TBC1D4: variants seen among roughly 807,000 people sequenced by gnomAD.
TBC1D4 encodes the protein TBC (Tre-2, BUB2, CDC16) domain-containing protein.
In TBC1D4, 121 loss-of-function variants were observed where a neutral mutation model predicts 142.5. That is an observed-to-expected ratio of 0.85 (90% CI 0.73 to 0.99). The LOEUF is 0.99. Ranked by LOEUF, TBC1D4 falls within the 50% of genes least tolerant of loss-of-function variation. The pLI is 0.00. For missense variants in TBC1D4, 1,475 were observed against 1,606.6 expected, an observed-to-expected ratio of 0.92 and a Z score of 1.40; for synonymous variants, 630 against 628.2, an observed-to-expected ratio of 1.00 and a Z score of -0.04.
chr13:75,409,037 A>ACATG lies in TBC1D4; in HGVS notation c.499-46431_499-46430insCATG, dbSNP rs1270209375. 9.9e-4 allele frequency among the ~76,000 whole-genome samples: 7 copies of ACATG among 7,078 alleles called. No homozygotes were observed. The Admixed American group carries it at 0.012, about 12-fold the overall frequency. 4.6% of individuals were successfully genotyped at this position (7,078 alleles called of 152,430 possible). A position where few individuals can be genotyped will look rare whatever the true frequency, so the allele number is the denominator to read the frequency against. On this transcript the variant is annotated intron_variant, in intron 1 of 20. Coordinates refer to ENST00000377636, the MANE Select transcript of TBC1D4 (RefSeq NM_014832.5). ...TGATTGTGTGCATATATATATACAC[A>ACATG]CACGCACACACACACACACACTCAC... is the stretch of plus-strand genomic sequence containing the variant.
At position 75,362,866 on chromosome 13, in the gene TBC1D4, A is replaced by G. The variant is rs545009058; in HGVS notation, c.499-259T>C. 1.3e-5 allele frequency among the ~76,000 whole-genome samples: 2 copies of G among 152,342 alleles called. No homozygotes were observed. The highest frequency in any genetic ancestry group is 2.4e-5 in the African/African-American group (1 of 41,578). Reference sequence around the variant, plus strand: ...AAATGAGTCTCCCAGAAACAAAACCATGAAACTATATAAGCCACTGCCAAC... The same window carrying G: ...AAATGAGTCTCCCAGAAACAAAACCGTGAAACTATATAAGCCACTGCCAAC... On this transcript the variant is annotated intron_variant, in intron 1 of 20. Transcript: ENST00000377636. The surrounding 1 kb of genome is among the most constrained non-coding windows in gnomAD (Gnocchi z 4.2).
Position 75,426,239 on chromosome 13 carries a change from C to T in TBC1D4, c.498+55031G>A, listed in dbSNP as rs546995881. Among the ~76,000 whole-genome samples, 3 of 152,130 alleles carry T rather than the reference C, an allele frequency of 2.0e-5. No individual in the cohort carries two copies. In the South Asian group the frequency reaches 6.2e-4, roughly 32 times the overall value. On this transcript the variant is annotated intron_variant, in intron 1 of 20. Coordinates refer to ENST00000377636, the MANE Select transcript of TBC1D4 (RefSeq NM_014832.5). ...CGCAAAGCAAAATACAATGAGATAC[C>T]ACCTCACTCCTCTTAGGAAGCCTAT...
chr13:75,450,739 C>A (rs1887499912), intron 1 of TBC1D4, among the ~76,000 whole-genome samples: 1 of 152,164 alleles, frequency 6.6e-6, no homozygotes, highest in Non-Finnish European at 1.5e-5. Context: ...CCCTTCCCAC[C>A]TCCCCAAAGG....
chr13:75,310,945 C>T (rs1355859616), intron 13 of TBC1D4, among the ~76,000 whole-genome samples: 1 of 152,126 alleles, frequency 6.6e-6, no homozygotes, highest in Non-Finnish European at 1.5e-5. Context: ...ATAATAACCT[C>T]CAGCTACATC....
intron 1 of TBC1D4, among the ~76,000 whole-genome samples, chr13:75,459,481 T>A (rs9543934): frequency 1 from 152,342 of 152,350 alleles, 76,167 homozygotes; most frequent in Non-Finnish European, 1. Flanking sequence ...ATGACATTCT[T>A]CTGGCTTGAC....
intron 1 of TBC1D4, among the ~76,000 whole-genome samples, chr13:75,437,653 T>C (rs949870839): frequency 7.2e-5 from 11 of 152,012 alleles, no homozygotes; most frequent in Non-Finnish European, 1.5e-4. Context: ...AATACACCGA[T>C]ATACAGTTTT....
chr13:75,433,506 T>G (rs1185315950), intron 1 of TBC1D4, among the ~76,000 whole-genome samples: 2 of 152,176 alleles, frequency 1.3e-5, no homozygotes, highest in Non-Finnish European at 2.9e-5. Context: ...TTCCCTATTA[T>G]AGACAGATAG....
chr13:75,426,416 G>C (rs17064423), intron 1 of TBC1D4, among the ~76,000 whole-genome samples: 1 of 152,118 alleles, frequency 6.6e-6, no homozygotes, highest in Admixed American at 6.5e-5. Flanking sequence ...ACATGTATCC[G>C]GCTAATAAAT....
chr13:75,294,892 G>A lies in TBC1D4; in HGVS notation c.3278C>T (p.Ala1093Val), dbSNP rs745330609. ...TACAAATCCTAATGAAAACTGAGAG[G>A]CAAACAATGTGAGGAACCAGGGGGC... ...YAAPWFLTLF[A>V]SQFSLGFVAR... Residue 1093 changes from alanine to valine, a missense_variant, in exon 18 of 21, where the codon GCC becomes GTC. Transcript: ENST00000377636. 1 of 1,613,858 alleles carries A rather than the reference G, an allele frequency of 6.2e-7. No homozygotes were observed. Among genetic ancestry groups the A allele is most frequent in the Admixed American group, 1.7e-5 (1 of 59,998 alleles).
At chr13:75,431,916 A>G (rs1442694684) in intron 1 of TBC1D4, among the ~76,000 whole-genome samples, 1 of 152,216 alleles carries the variant, frequency 6.6e-6, no homozygotes, top group African/African-American at 2.4e-5. Context: ...AGGAAGGAGT[A>G]GTCTCACTCC....
chr13:75,407,235 T>A (rs950622913), intron 1 of TBC1D4, among the ~76,000 whole-genome samples: 35 of 152,196 alleles, frequency 2.3e-4, no homozygotes, highest in Admixed American at 2.0e-3. Flanking sequence ...TATCTGAGTG[T>A]TTACTAATGC....
chr13:75,317,248 C>T (rs1438658422), intron 12 of TBC1D4, among the ~76,000 whole-genome samples: 1 of 152,200 alleles, frequency 6.6e-6, no homozygotes, highest in South Asian at 2.1e-4. Context: ...AAAAACAAAG[C>T]TGTTGGGACC....
rs754621194 is a variant in TBC1D4 at position 75,362,415 on chromosome 13, G to A, written c.691C>T (p.Leu231=). The A allele has an allele frequency of 1.8e-5, 29 of 1,614,122 alleles. No individual in the cohort carries two copies. In the South Asian group the frequency reaches 3.0e-4, roughly 16 times the overall value. ...ATCTTCAGGCGCTGCTGTTCGTGCA[G>A]GCTGAACTTCTCCATGCAGTCATCG... The part of the protein sequence containing the change: ...LIDDCMEKFS[L]HEQQRLKIQG... Residue 231 remains leucine, a synonymous_variant, in exon 2 of 21, where the codon CTG becomes TTG. Transcript: ENST00000377636. The surrounding 1 kb of genome is among the most constrained non-coding windows in gnomAD (Gnocchi z 4.2).
chr13:75,313,607 G>A (rs546296584), intron 12 of TBC1D4, among the ~76,000 whole-genome samples: 48 of 152,184 alleles, frequency 3.2e-4, no homozygotes, highest in African/African-American at 1.1e-3. Flanking sequence ...TTGCAGCCTC[G>A]ACCTCCCAGG....
intron 15 of TBC1D4, 58 bp from the exon 16 acceptor site, chr13:75,302,459 C>A: frequency 6.2e-7 from 1 of 1,601,038 alleles, no homozygotes; most frequent in East Asian, 2.2e-5. Flanking sequence ...GTTGATAGAT[C>A]CCAGCTGATT....
At chr13:75,287,552 C>T (rs1170932623) in intron 20 of TBC1D4, among the ~76,000 whole-genome samples, 2 of 152,168 alleles carry the variant, frequency 1.3e-5, no homozygotes, top group Non-Finnish European at 2.9e-5. Context: ...ACCCACCTTC[C>T]CTAATAAGGG....
chr13:75,338,849 C>G (rs1384080589), intron 7 of TBC1D4, among the ~76,000 whole-genome samples: 1 of 152,172 alleles, frequency 6.6e-6, no homozygotes, highest in African/African-American at 2.4e-5. Flanking sequence ...GGCTCTGTTT[C>G]ATCAAATTTC....
intron 4 of TBC1D4, among the ~76,000 whole-genome samples, chr13:75,353,014 T>C (rs1258319901): frequency 2.6e-5 from 4 of 152,226 alleles, no homozygotes; most frequent in African/African-American, 4.8e-5. Context: ...TCAGTTAAGA[T>C]GCTTACCAAT....
At chr13:75,361,722 C>T (rs1401003064) in intron 2 of TBC1D4, among the ~76,000 whole-genome samples, 1 of 152,086 alleles carries the variant, frequency 6.6e-6, no homozygotes, top group African/African-American at 2.4e-5. Flanking sequence ...CACCCCAAGG[C>T]AAATGCTGGT....
Sources: gnomAD v4.1 joint callset for allele counts (sites outside exome capture counted in the v4.1 genomes callset) on GRCh38, gnomAD v4.1.1 for gene constraint, Gnocchi (gnomAD v3.1) non-coding constraint, MANE v1.5 for transcripts, NCBI Gene and HGNC (gene_info 2026-07-23, HGNC 2026-07-21) for gene names.